TMBIM6: variants seen among roughly 807,000 people sequenced by gnomAD.
TMBIM6 encodes bax inhibitor 1.
A neutral mutation model predicts 31.4 loss-of-function variants in TMBIM6; 13 were observed. The observed-to-expected ratio is 0.41, with a 90% confidence interval of 0.27 to 0.66. TMBIM6 has a LOEUF of 0.66. Among genes scored for constraint, TMBIM6 ranks in the 30% least tolerant of loss-of-function variants. The probability of loss-of-function intolerance (pLI) is 0.28; values close to 1 mark genes in which losing one functional copy is unlikely to be tolerated. For missense variants in TMBIM6, 275 were observed against 289.5 expected, an observed-to-expected ratio of 0.95 and a Z score of 0.36; for synonymous variants, 85 against 101.7, an observed-to-expected ratio of 0.84 and a Z score of 0.99.
intron 6 of TMBIM6, 23 bp from the exon 7 acceptor site, chr12:49,758,660 C>T (rs763691559): frequency 1.9e-6 from 3 of 1,613,032 alleles, no homozygotes; most frequent in East Asian, 4.5e-5. Flanking sequence ...TCTCTCAAGA[C>T]AGCTTTTTGC....
chr12:49,759,364 C>A, intron 8 of TMBIM6, 43 bp downstream of exon 8: 1 of 1,530,804 alleles, frequency 6.5e-7, no homozygotes, highest in Non-Finnish European at 9.1e-7. Context: ...AAGGTTGAGG[C>A]ATACCGTTCA....
At position 49,752,492 on chromosome 12, in the gene TMBIM6, C is replaced by A. The variant is rs1188748029; in HGVS notation, c.-2C>A. The stretch of plus-strand genomic sequence containing the variant: ...GGAGACTGCTGCACGGACTCTGGAA[C>A]CATGAACATATTTGATCGAAAGATC... On this transcript the variant is annotated 5_prime_UTR_variant, in exon 2 of 10. Transcript: ENST00000267115. The A allele has an allele frequency of 1.2e-6, 2 of 1,613,208 alleles. No homozygotes were observed. Among genetic ancestry groups the A allele is most frequent in the Non-Finnish European group, 1.7e-6 (2 of 1,179,912 alleles).
At chr12:49,744,547 G>T (rs1945355544) in intron 1 of TMBIM6, 1 of 152,184 alleles carries the variant, frequency 6.6e-6, no homozygotes, top group African/African-American at 2.4e-5. Flanking sequence ...CTTGAGGTAG[G>T]TTCCACTCTG....
intron 1 of TMBIM6, among the ~76,000 whole-genome samples, chr12:49,747,467 C>G (rs1444099057): frequency 1.3e-5 from 2 of 151,982 alleles, no homozygotes; most frequent in African/African-American, 4.8e-5. Flanking sequence ...CACCACCACA[C>G]CCAGCTAATT....
chr12:49,745,917 ATGTT>A (rs1342472671), intron 1 of TMBIM6, among the ~76,000 whole-genome samples: 1 of 152,138 alleles, frequency 6.6e-6, no homozygotes, highest in African/African-American at 2.4e-5. Context: ...TTAAGCTATA[ATGTT>A]TGGTAGGTTA....
chr12:49,745,572 A>G (rs961613095), intron 1 of TMBIM6, among the ~76,000 whole-genome samples: 2 of 152,118 alleles, frequency 1.3e-5, no homozygotes, highest in African/African-American at 2.4e-5. Flanking sequence ...TTAAAATACA[A>G]AAATTAGCTG....
chr12:49,764,709 T>C lies in TMBIM6; in HGVS notation c.*1813T>C, dbSNP rs549155324. Reference sequence around the variant, plus strand: ...AAACAGTGCCAAGAATGACAAGATATTAAAAAAAAAAAAGAAAGAAAAAAA... The same window carrying C: ...AAACAGTGCCAAGAATGACAAGATACTAAAAAAAAAAAAGAAAGAAAAAAA... On this transcript the variant is annotated 3_prime_UTR_variant, in exon 10 of 10. Coordinates refer to ENST00000267115, the MANE Select transcript of TMBIM6 (RefSeq NM_003217.3). The C allele has an allele frequency of 0.011, 1,208 of 109,170 alleles. 13 individuals carry two copies. Among genetic ancestry groups the C allele is most frequent in the African/African-American group, 0.063 (1,143 of 18,112 alleles). The allele number at this position is 109,170 out of a possible 1,614,324, so 6.8% of individuals were successfully genotyped here.
At chr12:49,747,057 C>T (rs1273834110) in intron 1 of TMBIM6, among the ~76,000 whole-genome samples, 3 of 151,914 alleles carry the variant, frequency 2.0e-5, no homozygotes, top group Non-Finnish European at 4.4e-5. Context: ...AGGTTGGTCT[C>T]GATCTCGTGA....
At chr12:49,742,779 C>T (rs765420560) in intron 1 of TMBIM6, among the ~76,000 whole-genome samples, 15 of 152,120 alleles carry the variant, frequency 9.9e-5, no homozygotes, top group Non-Finnish European at 1.9e-4. Context: ...TATTTACACT[C>T]TTTGGTGTTT....
At chr12:49,755,886 T>A in intron 4 of TMBIM6, 131 bp downstream of exon 4, 3 of 1,058,640 alleles carry the variant, frequency 2.8e-6, no homozygotes, top group Non-Finnish European at 4.0e-6. Context: ...CAGGCCAGAG[T>A]GCAGTGGCTT....
intron 1 of TMBIM6, among the ~76,000 whole-genome samples, chr12:49,749,437 TTTTG>T (rs1203050928): frequency 1.4e-5 from 2 of 146,336 alleles, no homozygotes; most frequent in African/African-American, 5.5e-5. Flanking sequence ...TGTAAGTCAT[TTTTG>T]TTTTTTTTTG....
At chr12:49,751,558 A>T (rs1565918986) in intron 1 of TMBIM6, among the ~76,000 whole-genome samples, 1 of 152,048 alleles carries the variant, frequency 6.6e-6, no homozygotes, top group Non-Finnish European at 1.5e-5. Context: ...TTCCTTTTTT[A>T]TGGAGGTAGG....
chr12:49,746,125 C>T (rs543778724), intron 1 of TMBIM6, among the ~76,000 whole-genome samples: 53 of 151,336 alleles, frequency 3.5e-4, no homozygotes, highest in African/African-American at 1.1e-3. Context: ...CTCTGTCGCC[C>T]AGGCTGGAGT....
rs79467949 is a variant in TMBIM6 at position 49,752,955 on chromosome 12, T to C, written c.57-18T>C. On this transcript the variant is annotated intron_variant, in intron 2 of 9. Coordinates refer to ENST00000267115, the MANE Select transcript of TMBIM6 (RefSeq NM_003217.3). ...ATTGATCTGGGACTGATTGCTCTTA[T>C]TCACATTCTTTTCTTAGAACCCCGT... 16,350 of 1,610,834 alleles carry C rather than the reference T, an allele frequency of 0.01. 111 individuals are homozygous for C. Among genetic ancestry groups the C allele is most frequent in the South Asian group, 0.013 (1,174 of 90,754 alleles).
intron 1 of TMBIM6, among the ~76,000 whole-genome samples, chr12:49,742,962 A>G (rs1289624818): frequency 6.8e-6 from 1 of 147,462 alleles, no homozygotes; most frequent in African/African-American, 2.5e-5. Context: ...TTGTGGAAAC[A>G]TGGTTTAGTA....
chr12:49,752,954 A>G lies in TMBIM6; in HGVS notation c.57-19A>G, dbSNP rs182284379. 6.8e-6 allele frequency: 11 copies of G among 1,609,662 alleles called. No homozygotes were observed. The Admixed American group carries it at 1.5e-4, about 22-fold the overall frequency. On this transcript the variant is annotated intron_variant, in intron 2 of 9. Coordinates refer to ENST00000267115, the MANE Select transcript of TMBIM6 (RefSeq NM_003217.3). ...GATTGATCTGGGACTGATTGCTCTT[A>G]TTCACATTCTTTTCTTAGAACCCCG...
At position 49,758,738 on chromosome 12, in the gene TMBIM6, C is replaced by A; in HGVS notation, c.489C>A (p.Phe163Leu). 6.2e-7 allele frequency: 1 copy of A among 1,613,152 alleles called. No homozygotes were observed. The highest frequency in any genetic ancestry group is 8.5e-7 in the Non-Finnish European group (1 of 1,179,922). The change falls in exon 7 of 10, where the codon TTC (phenylalanine) becomes TTA (leucine). Residue 163 changes from phenylalanine to leucine, a missense_variant. Transcript: ENST00000267115. ...TTTTGTCTTCCCTGGGGAATGTTTTCTTTGGATCCATTTGGCTTTTCCAGG... is the reference window on the plus strand; with the variant it reads ...TTTTGTCTTCCCTGGGGAATGTTTTATTTGGATCCATTTGGCTTTTCCAGG... ...LLLLSSLGNV[F>L]FGSIWLFQAN...
chr12:49,744,282 G>A (rs1463840330), intron 1 of TMBIM6: 2 of 152,068 alleles, frequency 1.3e-5, no homozygotes, highest in East Asian at 1.9e-4. Flanking sequence ...CTGCCCAAGG[G>A]TATTAATTTT....
intron 8 of TMBIM6, among the ~76,000 whole-genome samples, chr12:49,759,845 G>A (rs564999587): frequency 6.8e-6 from 1 of 148,134 alleles, no homozygotes; most frequent in Non-Finnish European, 1.5e-5. Context: ...GGGCACGGTG[G>A]CTCACGCCTG....
Sources: gnomAD v4.1 joint callset for allele counts (sites outside exome capture counted in the v4.1 genomes callset) on GRCh38, gnomAD v4.1.1 for gene constraint, MANE v1.5 for transcripts, NCBI Gene and HGNC (gene_info 2026-07-23, HGNC 2026-07-21) for gene names.